Variants in ANAPC7 observed in about 807,000 individuals in gnomAD.
ANAPC7 encodes anaphase promoting complex subunit 7, also known as anaphase-promoting complex subunit 7.
A neutral mutation model predicts 63.3 loss-of-function variants in ANAPC7; 25 were observed. That is an observed-to-expected ratio of 0.39 (90% CI 0.29 to 0.55). The LOEUF (loss-of-function observed/expected upper bound fraction) is 0.55, where lower values mean the gene tolerates loss of function less well. ANAPC7 is among the 20% of genes least tolerant of loss of function. The probability of loss-of-function intolerance (pLI) is 0.57; values close to 1 mark genes in which losing one functional copy is unlikely to be tolerated. For synonymous variants in ANAPC7, 241 were observed against 251.7 expected (o/e 0.96, Z 0.40); for missense variants, 516 against 691.7 (o/e 0.75, Z 2.85).
rs757877857 is a variant in ANAPC7 at position 110,389,793 on chromosome 12, G to A, written c.409-1170C>T. ...AAAAAATACAAAAAATTAGCTGGGC[G>A]TGGTGGCGGGCGCCTGTAGTCCCAG... On this transcript the variant is annotated intron_variant, in intron 3 of 10. Coordinates refer to ENST00000455511, the MANE Select transcript of ANAPC7 (RefSeq NM_016238.3). 9.9e-5 allele frequency among the ~76,000 whole-genome samples: 15 copies of A among 152,040 alleles called. No individual in the cohort carries two copies. In the East Asian group the frequency reaches 2.4e-3, roughly 24 times the overall value.
At chr12:110,375,974 AGTGT>A in intron 10 of ANAPC7, 88 bp downstream of exon 10, 1 of 1,433,588 alleles carries the variant, frequency 7.0e-7, no homozygotes, top group East Asian at 2.4e-5. Flanking sequence ...ATGGACACAA[AGTGT>A]GTGTGTGTTT....
rs189582824 is a variant in ANAPC7 at position 110,373,189 on chromosome 12, C to T, written c.*955G>A. 2 of 152,134 alleles carry T rather than the reference C, an allele frequency of 1.3e-5. No individual in the cohort carries two copies. Among genetic ancestry groups the T allele is most frequent in the Non-Finnish European group, 2.9e-5 (2 of 68,042 alleles). The allele number at this position is 152,134 out of a possible 1,614,324, so 9.4% of individuals were successfully genotyped here. On this transcript the variant is annotated 3_prime_UTR_variant, in exon 11 of 11. Coordinates refer to ENST00000455511, the MANE Select transcript of ANAPC7 (RefSeq NM_016238.3). ...GATACTCAGGCTGACCAGTGACAGA[C>T]TGCTGGAACCAGACCCCAATCTCAC...
chr12:110,376,048 A>T lies in ANAPC7; in HGVS notation c.1508+18T>A. 1 of 1,604,224 alleles carries T rather than the reference A, an allele frequency of 6.2e-7. No individual in the cohort carries two copies. The highest frequency in any genetic ancestry group is 8.5e-7 in the Non-Finnish European group (1 of 1,173,354). ...TACCCTCCTCAGTGGCCTTCCCCCA[A>T]GGGAGGCTAGTGCCTACCTTAGTGC... On this transcript the variant is annotated intron_variant, in intron 10 of 10. Coordinates refer to ENST00000455511, the MANE Select transcript of ANAPC7 (RefSeq NM_016238.3).
intron 3 of ANAPC7, among the ~76,000 whole-genome samples, chr12:110,393,867 C>CAAAAA (rs771757058): frequency 1.1e-4 from 4 of 37,338 alleles, no homozygotes; most frequent in African/African-American, 9.4e-5. Context: ...AACTCCCTCT[C>CAAAAA]AAAAAAAAAA....
intron 3 of ANAPC7, 58 bp downstream of exon 3, chr12:110,395,043 G>C (rs1405320185): frequency 6.4e-7 from 1 of 1,566,036 alleles, no homozygotes; most frequent in African/African-American, 1.4e-5. Flanking sequence ...AGAAAACATG[G>C]AGAGAGGGAG....
At chr12:110,400,916 G>A (rs1338294141) in intron 1 of ANAPC7, among the ~76,000 whole-genome samples, 1 of 151,950 alleles carries the variant, frequency 6.6e-6, no homozygotes, top group Non-Finnish European at 1.5e-5. Flanking sequence ...TGGGCGTGGT[G>A]GTGCGAATCT....
intron 7 of ANAPC7, 123 bp downstream of exon 7, chr12:110,382,720 C>T (rs938349284): frequency 6.6e-6 from 5 of 752,916 alleles, no homozygotes; most frequent in African/African-American, 3.5e-5. Flanking sequence ...CAGGCATGAG[C>T]CACCATGCCT....
intron 10 of ANAPC7, among the ~76,000 whole-genome samples, chr12:110,374,646 G>A (rs557302941): frequency 6.6e-6 from 1 of 152,134 alleles, no homozygotes; most frequent in East Asian, 1.9e-4. Context: ...AAATGAAAAA[G>A]TGGCAAACAA....
Position 110,377,443 on chromosome 12 carries a change from G to C in ANAPC7, c.1307C>G (p.Thr436Ser), listed in dbSNP as rs144846977. 2 of 1,614,038 alleles carry C rather than the reference G, an allele frequency of 1.2e-6. No individual in the cohort carries two copies. The highest frequency in any genetic ancestry group is 2.7e-5 in the African/African-American group (2 of 74,922). ...AGCCTTAATGTAATCTGGCCTTTGGGTCAGGGCTTTATCTAATAATGTTTT... is the reference window on the plus strand; with the variant it reads ...AGCCTTAATGTAATCTGGCCTTTGGCTCAGGGCTTTATCTAATAATGTTTT... ...KAKTLLDKAL[T>S]QRPDYIKAVV... Residue 436 changes from threonine (T) to serine (S), a missense_variant, in exon 9 of 11, where the codon ACC (threonine) becomes AGC (serine). Around this residue, in one of 4 missense-constraint regions of ANAPC7, gnomAD observed 122 missense variants for 212.0 expected, o/e 0.58. Coordinates refer to ENST00000455511, the MANE Select transcript of ANAPC7 (RefSeq NM_016238.3).
chr12:110,386,205 T>C (rs1053693066), intron 6 of ANAPC7, 122 bp downstream of exon 6: 25 of 1,407,648 alleles, frequency 1.8e-5, no homozygotes, highest in Non-Finnish European at 2.3e-5. Flanking sequence ...AAAAGACTAG[T>C]ATAAGTTTTA....
At position 110,381,862 on chromosome 12, in the gene ANAPC7, G is replaced by C; in HGVS notation, c.1022C>G (p.Ala341Gly). Residue 341 changes from alanine to glycine, a missense_variant, in exon 8 of 11, where the codon GCT becomes GGT. Coordinates refer to ENST00000455511, the MANE Select transcript of ANAPC7 (RefSeq NM_016238.3). ...AIQLNSNSVQ[A>G]LLLKGAALRN... ...AAGTGCTGCTCCCTTAAGTAGCAGA[G>C]CTTGAACACTATTACTGTTCAGCTG... The C allele has an allele frequency of 6.2e-7, 1 of 1,611,144 alleles. No homozygotes were observed. Among genetic ancestry groups the C allele is most frequent in the Non-Finnish European group, 8.5e-7 (1 of 1,178,904 alleles).
rs930402447 is a variant in ANAPC7, at chr12:110,374,048, T to C, written c.*96A>G. 11 of 1,358,326 alleles carry C rather than the reference T, an allele frequency of 8.1e-6. 1 individual carries two copies. The African/African-American group carries it at 1.6e-4, about 20-fold the overall frequency. The allele number at this position is 1,358,326 out of a possible 1,614,324, so 84.1% of individuals were successfully genotyped here. A position where few individuals can be genotyped will look rare whatever the true frequency, so the allele number is the denominator to read the frequency against. ...ACCCCTGCTGCAATCACATGCTGAA[T>C]CATTGTCCTTCTGAGAGCAGGCTCC... On this transcript the variant is annotated 3_prime_UTR_variant, in exon 11 of 11. Transcript: ENST00000455511.
intron 1 of ANAPC7, among the ~76,000 whole-genome samples, chr12:110,402,989 G>T (rs932645018): frequency 6.6e-6 from 1 of 152,036 alleles, no homozygotes; most frequent in East Asian, 1.9e-4. Context: ...CGATCCTCCC[G>T]CCTCGGCCTC....
chr12:110,393,750 C>T (rs1395005559), intron 3 of ANAPC7, among the ~76,000 whole-genome samples: 2 of 151,738 alleles, frequency 1.3e-5, no homozygotes, highest in African/African-American at 4.8e-5. Flanking sequence ...GCCTGTAATC[C>T]CAGCTATTTG....
At chr12:110,382,461 A>ATATATATATATATGTAT (rs1321570855) in intron 7 of ANAPC7, among the ~76,000 whole-genome samples, 1 of 30,858 alleles carries the variant, frequency 3.2e-5, no homozygotes, top group African/African-American at 1.2e-4. Context: ...AAAAAAAAAA[A>ATATATATATATATGTAT]ATATATATAT....
Position 110,388,547 on chromosome 12 carries a change from A to G in ANAPC7, c.485T>C (p.Leu162Pro). The G allele has an allele frequency of 6.2e-7, 1 of 1,614,194 alleles. No individual in the cohort carries two copies. Among genetic ancestry groups the G allele is most frequent in the Non-Finnish European group, 8.5e-7 (1 of 1,180,022 alleles). Reference protein sequence around the residue: ...RPSVTSYKEVLRQCPLALDAI... With the variant: ...RPSVTSYKEVPRQCPLALDAI... ...ATCAAGGGCTAATGGGCACTGCCTC[A>G]GCACCTCCTTATAGCTGGTGACTGA... Residue 162 changes from leucine to proline, a missense_variant, in exon 4 of 11, where the codon CTG (leucine) becomes CCG (proline). Transcript: ENST00000455511.
intron 8 of ANAPC7, among the ~76,000 whole-genome samples, chr12:110,381,525 C>G (rs866792068): frequency 6.6e-6 from 1 of 151,860 alleles, no homozygotes; most frequent in Non-Finnish European, 1.5e-5. Flanking sequence ...TTAGTAGAGA[C>G]GGGGTTTCAC....
chr12:110,396,637 A>G, intron 1 of ANAPC7, 185 bp from the exon 2 acceptor site: 2 of 443,116 alleles, frequency 4.5e-6, no homozygotes, highest in Non-Finnish European at 4.0e-6. Flanking sequence ...CAGCCTCCCG[A>G]GTAGCTGAGA....
intron 1 of ANAPC7, 186 bp from the exon 2 acceptor site, chr12:110,396,638 G>C: frequency 2.3e-6 from 1 of 438,566 alleles, no homozygotes. Flanking sequence ...AGCCTCCCGA[G>C]TAGCTGAGAT....
Sources: gnomAD v4.1 joint callset for allele counts (sites outside exome capture counted in the v4.1 genomes callset) on GRCh38, gnomAD v4.1.1 for gene constraint, gnomAD v4.1.1 regional missense constraint, MANE v1.5 for transcripts, NCBI Gene and HGNC (gene_info 2026-07-23, HGNC 2026-07-21) for gene names.